CEMIP: variants seen among roughly 807,000 people sequenced by gnomAD.
CEMIP encodes cell migration inducing hyaluronidase 1, also known as cell migration-inducing and hyaluronan-binding protein.
CEMIP carries 105 observed loss-of-function variants against 156.9 expected under a neutral mutation model. The observed-to-expected ratio is 0.67, with a 90% CI of 0.57 to 0.79. CEMIP has a LOEUF of 0.79. Ranked by LOEUF, CEMIP falls within the 30% of genes least tolerant of loss-of-function variation. The pLI, the probability that CEMIP is intolerant of heterozygous loss-of-function variation, is 0.00. For synonymous variants in CEMIP, 676 were observed against 668.4 expected, an observed-to-expected ratio of 1.01 and a Z score of -0.17; for missense variants, 1,457 against 1,769.4, an observed-to-expected ratio of 0.82 and a Z score of 3.17.
chr15:80,809,043 T>A (rs1022678081), intron 1 of CEMIP, among the ~76,000 whole-genome samples: 4 of 152,206 alleles, frequency 2.6e-5, no homozygotes, highest in African/African-American at 7.2e-5. Context: ...CTACTTGTGG[T>A]CAGATGTGGG....
Position 80,881,106 on chromosome 15 carries a change from C to T in CEMIP, c.587C>T (p.Pro196Leu). ...HRGVIVHVID[P>L]KSGTVIHSDR... ...GGAGTTATTGTTCATGTCATCGACC[C>T]CAAATCAGGCACAGTCATCCATTCT... is the stretch of plus-strand genomic sequence containing the variant. The change falls in exon 6 of 30, where the codon CCC becomes CTC. Residue 196 changes from proline (P) to leucine (L), a missense_variant. Pro to Leu is a moderately conservative substitution (Grantham distance 98). Transcript: ENST00000394685. The T allele has an allele frequency of 6.2e-7, 1 of 1,614,120 alleles. No homozygotes were observed. The highest frequency in any genetic ancestry group is 1.1e-5 in the South Asian group (1 of 91,080).
intron 19 of CEMIP, among the ~76,000 whole-genome samples, chr15:80,927,019 C>G (rs1137412): frequency 6.6e-6 from 1 of 152,082 alleles, no homozygotes. Flanking sequence ...TCAGTAGAGA[C>G]GGGGTTTCAC....
chr15:80,805,563 T>C (rs1330403025), intron 1 of CEMIP, among the ~76,000 whole-genome samples: 1 of 152,226 alleles, frequency 6.6e-6, no homozygotes, highest in East Asian at 1.9e-4. Flanking sequence ...CAGACTCTTT[T>C]TAAGGGAAAA....
At chr15:80,935,574 AT>A (rs1324153889) in intron 23 of CEMIP, among the ~76,000 whole-genome samples, 17 of 152,300 alleles carry the variant, frequency 1.1e-4, no homozygotes, top group Admixed American at 9.8e-4. Flanking sequence ...TTCTCTTTCC[AT>A]CTTATATGCG....
intron 12 of CEMIP, among the ~76,000 whole-genome samples, chr15:80,902,112 T>C (rs781583817): frequency 2.6e-5 from 4 of 152,148 alleles, no homozygotes; most frequent in Non-Finnish European, 4.4e-5. Flanking sequence ...GCTCCCTCCA[T>C]TGGAAGGTCT....
At position 80,947,208 on chromosome 15, in the gene CEMIP, T is replaced by C. The variant is rs186522437; in HGVS notation, c.3958+143T>C. ...ACAACCTAAGAATCCCCCACACAAC[T>C]AGTGGTCTACTGGAATGGATGGGCA... On this transcript the variant is annotated intron_variant, in intron 29 of 29. Coordinates refer to ENST00000394685, the MANE Select transcript of CEMIP (RefSeq NM_001293298.2). 120 of 645,632 alleles carry C rather than the reference T, an allele frequency of 1.9e-4. 1 individual carries two copies. Among genetic ancestry groups the C allele is most frequent in the East Asian group, 9.2e-4 (33 of 36,060 alleles). 40.0% of individuals were successfully genotyped at this position (645,632 alleles called of 1,614,324 possible).
intron 1 of CEMIP, among the ~76,000 whole-genome samples, chr15:80,842,621 A>G (rs1384940714): frequency 1.3e-5 from 2 of 152,142 alleles, no homozygotes; most frequent in Non-Finnish European, 2.9e-5. Context: ...AATTCCAGCT[A>G]CTGGGGAGGC....
At chr15:80,838,257 T>G (rs1270070180) in intron 1 of CEMIP, among the ~76,000 whole-genome samples, 1 of 152,150 alleles carries the variant, frequency 6.6e-6, no homozygotes, top group Non-Finnish European at 1.5e-5. Flanking sequence ...CAACGGGTCT[T>G]GCAGGTGAGC....
Position 80,941,007 on chromosome 15 carries a change from G to A in CEMIP, c.3408-842G>A, listed in dbSNP as rs143326823. Among the ~76,000 whole-genome samples, 156 of 152,332 alleles carry A rather than the reference G, an allele frequency of 1.0e-3. 1 individual carries two copies. The highest frequency in any genetic ancestry group is 3.5e-3 in the African/African-American group (144 of 41,576). On this transcript the variant is annotated intron_variant, in intron 25 of 29. Coordinates refer to ENST00000394685, the MANE Select transcript of CEMIP (RefSeq NM_001293298.2). The stretch of plus-strand genomic sequence containing the variant: ...AAGACCTGCTGGGTCCCATAAGAGC[G>A]AGAATCTTGGTTACTGGTTGGCCAA...
intron 1 of CEMIP, among the ~76,000 whole-genome samples, chr15:80,817,724 C>G (rs1041279487): frequency 6.6e-5 from 10 of 151,652 alleles, no homozygotes; most frequent in African/African-American, 2.4e-4. Context: ...CAAAGATGAG[C>G]GAGAACTGCA....
intron 1 of CEMIP, among the ~76,000 whole-genome samples, chr15:80,782,468 G>A (rs1462581617): frequency 6.6e-6 from 1 of 152,204 alleles, no homozygotes; most frequent in Non-Finnish European, 1.5e-5. Context: ...TTTGATCCCA[G>A]CTGGACTGGA....
intron 14 of CEMIP, among the ~76,000 whole-genome samples, chr15:80,910,287 G>T (rs1281933608): frequency 6.6e-6 from 1 of 152,210 alleles, no homozygotes; most frequent in African/African-American, 2.4e-5. Flanking sequence ...CAGAGTCAAG[G>T]CTGCCTCCCC....
intron 10 of CEMIP, 132 bp from the exon 11 acceptor site, chr15:80,894,858 C>T (rs144523823): frequency 1.8e-5 from 19 of 1,083,962 alleles, no homozygotes; most frequent in Middle Eastern, 2.1e-4. Context: ...ATAATCATCT[C>T]GGGCCGTTGT....
chr15:80,881,195 TG>T, intron 6 of CEMIP, 59 bp downstream of exon 6: 1 of 1,474,874 alleles, frequency 6.8e-7, no homozygotes, highest in Non-Finnish European at 9.5e-7. Context: ...TTATTGAGTG[TG>T]CTCCCTGGCC....
intron 19 of CEMIP, among the ~76,000 whole-genome samples, chr15:80,928,225 T>G (rs978423148): frequency 6.6e-6 from 1 of 151,988 alleles, no homozygotes; most frequent in African/African-American, 2.4e-5. Context: ...GGGTCTGTGG[T>G]AGCACAGACC....
intron 12 of CEMIP, chr15:80,903,071 C>T (rs1899639246): frequency 6.6e-6 from 1 of 152,232 alleles, no homozygotes; most frequent in African/African-American, 2.4e-5. Context: ...TCCAGAGTCA[C>T]AATCCTCCCC....
chr15:80,814,149 C>T (rs575522369), intron 1 of CEMIP, among the ~76,000 whole-genome samples: 49 of 146,330 alleles, frequency 3.3e-4, no homozygotes, highest in Non-Finnish European at 5.4e-4. Context: ...CTCGGGTTCA[C>T]GCCATTCTCC....
At chr15:80,849,200 G>A (rs112516894) in intron 1 of CEMIP, among the ~76,000 whole-genome samples, 4,834 of 151,808 alleles carry the variant, frequency 0.032, 253 homozygotes, top group African/African-American at 0.11. Context: ...GGCCAGGCTG[G>A]TCTCCAACTC....
chr15:80,928,729 G>C (rs1397826356), intron 19 of CEMIP, among the ~76,000 whole-genome samples, 173 bp from the exon 20 acceptor site: 1 of 152,158 alleles, frequency 6.6e-6, no homozygotes, highest in Non-Finnish European at 1.5e-5. Flanking sequence ...TCCCCTTCCT[G>C]TGCAGAACAG....
Sources: allele counts gnomAD v4.1 joint callset (sites outside exome capture counted in the v4.1 genomes callset), GRCh38; gene constraint gnomAD v4.1.1; transcripts MANE v1.5; gene names NCBI Gene and HGNC (gene_info 2026-07-23, HGNC 2026-07-21).